Variants in TMEM131 observed in about 807,000 individuals in gnomAD.
The protein encoded by TMEM131 is 2610524E03Rik.
In TMEM131, 66 loss-of-function variants were observed where a neutral mutation model predicts 211.6. The ratio of observed to expected loss-of-function variants is 0.31; its 90% CI spans 0.26 to 0.38. The LOEUF is 0.38. TMEM131 is among the 10% of genes least tolerant of loss of function. The pLI, the probability that TMEM131 is intolerant of heterozygous loss-of-function variation, is 1.00. For missense variants in TMEM131, 2,036 were observed against 2,299.3 expected, an observed-to-expected ratio of 0.89 and a Z score of 2.34; for synonymous variants, 844 against 841.3, an observed-to-expected ratio of 1.00 and a Z score of -0.06.
intron 1 of TMEM131, among the ~76,000 whole-genome samples, chr2:97,952,245 A>G (rs1678356757): frequency 6.6e-6 from 1 of 152,096 alleles, no homozygotes; most frequent in South Asian, 2.1e-4. Context: ...AGGGACCTCC[A>G]GGGCAATAAT....
chr2:97,775,787 G>A (rs1679691738), intron 32 of TMEM131, 56 bp downstream of exon 32: 13 of 1,545,278 alleles, frequency 8.4e-6, no homozygotes, highest in South Asian at 2.4e-5. Flanking sequence ...GGTCTTGTGA[G>A]CTGCAGGAGA....
At chr2:97,888,967 G>A (rs1228174270) in intron 3 of TMEM131, among the ~76,000 whole-genome samples, 2 of 152,100 alleles carry the variant, frequency 1.3e-5, no homozygotes, top group South Asian at 2.1e-4. Flanking sequence ...TCATAGTAAC[G>A]TAAGCTTTGA....
At chr2:97,971,054 A>G (rs979596429) in intron 1 of TMEM131, among the ~76,000 whole-genome samples, 6 of 152,238 alleles carry the variant, frequency 3.9e-5, no homozygotes, top group Non-Finnish European at 8.8e-5. Flanking sequence ...AATTCTATCA[A>G]TAATTATTTA....
intron 1 of TMEM131, among the ~76,000 whole-genome samples, chr2:97,930,869 G>A (rs569545507): frequency 1.3e-5 from 2 of 151,790 alleles, no homozygotes; most frequent in Admixed American, 6.6e-5. Flanking sequence ...TCAAACAACT[G>A]TAATTGAAAT....
At chr2:97,922,645 C>CA in intron 2 of TMEM131, among the ~76,000 whole-genome samples, 1 of 152,048 alleles carries the variant, frequency 6.6e-6, no homozygotes, top group South Asian at 2.1e-4. Flanking sequence ...GTATGAACTT[C>CA]AAAAAATATG....
chr2:97,878,662 A>T (rs1473554852), intron 4 of TMEM131, among the ~76,000 whole-genome samples: 2 of 152,142 alleles, frequency 1.3e-5, no homozygotes, highest in Non-Finnish European at 2.9e-5. Context: ...ACACATGGAC[A>T]TAGAGGGGGG....
intron 29 of TMEM131, among the ~76,000 whole-genome samples, chr2:97,794,005 A>C (rs1292322397): frequency 5.3e-5 from 8 of 150,014 alleles, no homozygotes; most frequent in Admixed American, 6.6e-5. Flanking sequence ...AAAAAAAAAA[A>C]AAAAAAAAAA....
chr2:97,959,531 T>C (rs902037815), intron 1 of TMEM131, among the ~76,000 whole-genome samples: 1 of 151,196 alleles, frequency 6.6e-6, no homozygotes, highest in Non-Finnish European at 1.5e-5. Flanking sequence ...CTCTCATATA[T>C]ATGAGAAAAA....
chr2:97,845,057 A>G (rs1244491450), intron 5 of TMEM131, among the ~76,000 whole-genome samples: 4 of 151,936 alleles, frequency 2.6e-5, no homozygotes, highest in Non-Finnish European at 5.9e-5. Context: ...CCAACAAAAG[A>G]GTAACTTACA....
intron 5 of TMEM131, among the ~76,000 whole-genome samples, chr2:97,850,099 G>A (rs1475663209): frequency 6.6e-6 from 1 of 151,270 alleles, no homozygotes; most frequent in African/African-American, 2.4e-5. Flanking sequence ...CTCTCCGGCA[G>A]TATGAAAAAA....
At chr2:97,925,977 T>C (rs943729050) in intron 2 of TMEM131, among the ~76,000 whole-genome samples, 1 of 151,906 alleles carries the variant, frequency 6.6e-6, no homozygotes, top group Non-Finnish European at 1.5e-5. Flanking sequence ...CTGGGCATGG[T>C]GGCAGGCGCC....
intron 1 of TMEM131, among the ~76,000 whole-genome samples, chr2:97,949,068 A>G (rs1678181391): frequency 6.6e-6 from 1 of 152,216 alleles, no homozygotes; most frequent in African/African-American, 2.4e-5. Flanking sequence ...TTGTACATGA[A>G]TATTTAGGGA....
intron 1 of TMEM131, among the ~76,000 whole-genome samples, chr2:97,932,418 A>G (rs572941694): frequency 2.1e-4 from 32 of 152,280 alleles, no homozygotes; most frequent in Non-Finnish European, 1.9e-4. Context: ...ACTCATATAA[A>G]CCATATTTTA....
chr2:97,781,301 A>C (rs1679990055), intron 31 of TMEM131, among the ~76,000 whole-genome samples: 1 of 152,230 alleles, frequency 6.6e-6, no homozygotes, highest in African/African-American at 2.4e-5. Flanking sequence ...TAGCCTTCTC[A>C]ACAGTGAAAT....
At chr2:97,896,328 G>A (rs540603449) in intron 3 of TMEM131, among the ~76,000 whole-genome samples, 1 of 152,174 alleles carries the variant, frequency 6.6e-6, no homozygotes, top group Non-Finnish European at 1.5e-5. Context: ...TGAGAAGAAT[G>A]TATATTCTGT....
chr2:97,918,426 ATCT>A (rs1676601828), intron 2 of TMEM131, among the ~76,000 whole-genome samples: 1 of 152,216 alleles, frequency 6.6e-6, no homozygotes, highest in Non-Finnish European at 1.5e-5. Flanking sequence ...TAGCTATAAA[ATCT>A]TCTTGCCAAG....
At chr2:97,816,900 T>C (rs1438598766) in intron 12 of TMEM131, among the ~76,000 whole-genome samples, 1 of 152,174 alleles carries the variant, frequency 6.6e-6, no homozygotes, top group Admixed American at 6.5e-5. Flanking sequence ...AAAAGTTAAA[T>C]AACACACACT....
chr2:97,903,710 G>A (rs1675952332), intron 3 of TMEM131, among the ~76,000 whole-genome samples: 1 of 152,082 alleles, frequency 6.6e-6, no homozygotes, highest in Non-Finnish European at 1.5e-5. Context: ...TATTTATTTT[G>A]AGAGGGAGTC....
intron 2 of TMEM131, among the ~76,000 whole-genome samples, chr2:97,920,968 C>CGTGTGTGT (rs1553614604): frequency 3.9e-5 from 4 of 101,448 alleles, no homozygotes; most frequent in African/African-American, 1.2e-4. Flanking sequence ...TAAAAAATCC[C>CGTGTGTGT]GAGTGTGTGT....
Sources: gnomAD v4.1 joint callset for allele counts (sites outside exome capture counted in the v4.1 genomes callset) on GRCh38, gnomAD v4.1.1 for gene constraint, MANE v1.5 for transcripts, NCBI Gene and HGNC (gene_info 2026-07-23, HGNC 2026-07-21) for gene names.